Variants in PLCB1 observed in about 807,000 individuals in gnomAD.
PLCB1 encodes phospholipase C beta 1, also known as 1-phosphatidylinositol 4,5-bisphosphate phosphodiesterase beta-1.
In PLCB1, 46 loss-of-function variants were observed where a neutral mutation model predicts 161.8. The observed-to-expected ratio is 0.28, with a 90% CI of 0.22 to 0.36. The LOEUF (loss-of-function observed/expected upper bound fraction) is 0.36, where lower values mean the gene tolerates loss of function less well. Ranked by LOEUF, PLCB1 falls within the 10% of genes least tolerant of loss-of-function variation. PLCB1 has a pLI of 1.00. For missense variants in PLCB1, 1,016 were observed against 1,472.5 expected (o/e 0.69, Z 5.07); for synonymous variants, 517 against 503.7 (o/e 1.03, Z -0.35).
rs1431959200 is a variant in PLCB1, at chr20:8,591,636, T to C, written c.247-36658T>C. Among the ~76,000 whole-genome samples, 4 of 152,176 alleles carry C rather than the reference T, an allele frequency of 2.6e-5. No individual in the cohort carries two copies. In the East Asian group the frequency reaches 7.7e-4, roughly 29 times the overall value. On this transcript the variant is annotated intron_variant, in intron 3 of 31. Coordinates refer to ENST00000338037, the MANE Select transcript of PLCB1 (RefSeq NM_015192.4). ...CACCCAGGGCACTTAAGAGACGTTATTTTTTGAGACTTGCAATTGATATGC... is the reference window on the plus strand; with the variant it reads ...CACCCAGGGCACTTAAGAGACGTTACTTTTTGAGACTTGCAATTGATATGC...
intron 2 of PLCB1, among the ~76,000 whole-genome samples, chr20:8,199,291 G>T (rs536509712): frequency 3.9e-5 from 6 of 152,160 alleles, no homozygotes; most frequent in African/African-American, 1.4e-4. Context: ...CATGTTGATT[G>T]TGCATTCTAC....
chr20:8,480,144 G>A (rs1275659426), intron 3 of PLCB1, among the ~76,000 whole-genome samples: 2 of 152,168 alleles, frequency 1.3e-5, no homozygotes, highest in African/African-American at 2.4e-5. Context: ...TTAGAACATG[G>A]TTTTCCAGGT....
chr20:8,727,308 G>C lies in PLCB1; in HGVS notation c.1679-1G>C. On this transcript the variant is annotated splice_acceptor_variant, in intron 16 of 31. Transcript: ENST00000338037. LOFTEE classifies it high-confidence loss of function. ...TTTTGTTTTGTTGTTGCTTAACTCAGAAAGAAATAAAAGTTTTGAAATGTC... is the reference window on the plus strand; with the variant it reads ...TTTTGTTTTGTTGTTGCTTAACTCACAAAGAAATAAAAGTTTTGAAATGTC... 1 of 1,566,106 alleles carries C rather than the reference G, an allele frequency of 6.4e-7. No homozygotes were observed. The highest frequency in any genetic ancestry group is 8.8e-7 in the Non-Finnish European group (1 of 1,140,250).
At chr20:8,583,169 G>A (rs570714865) in intron 3 of PLCB1, among the ~76,000 whole-genome samples, 1 of 152,268 alleles carries the variant, frequency 6.6e-6, no homozygotes, top group East Asian at 1.9e-4. Context: ...GAAACAGAAG[G>A]TAGGATGGTG....
In PLCB1 at chr20:8,566,636, A is replaced by T. The variant is rs1986344191; in HGVS notation, c.247-61658A>T. Among the ~76,000 whole-genome samples, 3 of 152,222 alleles carry T rather than the reference A, an allele frequency of 2.0e-5. No homozygotes were observed. In the South Asian group the frequency reaches 6.2e-4, roughly 32 times the overall value. On this transcript the variant is annotated intron_variant, in intron 3 of 31. Transcript: ENST00000338037. ...AATCATAGCACTGAATTTAATAAAT[A>T]GATATTATTGAATTTCCTTGGAATG...
intron 2 of PLCB1, among the ~76,000 whole-genome samples, chr20:8,182,361 G>A (rs2051852940): frequency 6.6e-6 from 1 of 152,126 alleles, no homozygotes; most frequent in Admixed American, 6.5e-5. Flanking sequence ...CTGGTAAAAT[G>A]TGGTAGAAGT....
At chr20:8,194,554 TG>T (rs1156918596) in intron 2 of PLCB1, among the ~76,000 whole-genome samples, 1 of 152,078 alleles carries the variant, frequency 6.6e-6, no homozygotes, top group Non-Finnish European at 1.5e-5. Flanking sequence ...GAAAAGTACA[TG>T]TCTCTTTTAT....
intron 3 of PLCB1, among the ~76,000 whole-genome samples, chr20:8,479,624 T>C (rs1982418097): frequency 6.6e-6 from 1 of 152,222 alleles, no homozygotes; most frequent in Admixed American, 6.5e-5. Context: ...GATGGTGTTA[T>C]TTATTCACAA....
At chr20:8,569,934 T>G (rs1202949291) in intron 3 of PLCB1, among the ~76,000 whole-genome samples, 2 of 152,142 alleles carry the variant, frequency 1.3e-5, no homozygotes, top group South Asian at 4.1e-4. Flanking sequence ...TGAAATATAT[T>G]TCTTCATGTA....
intron 3 of PLCB1, among the ~76,000 whole-genome samples, chr20:8,577,226 G>A (rs1281332935): frequency 1.3e-5 from 2 of 150,826 alleles, no homozygotes; most frequent in Non-Finnish European, 3.0e-5. Flanking sequence ...TTGGGAGATC[G>A]AGACCATCCT....
At chr20:8,385,541 G>A (rs574921229) in intron 3 of PLCB1, among the ~76,000 whole-genome samples, 195 of 152,368 alleles carry the variant, frequency 1.3e-3, no homozygotes, top group South Asian at 0.012. Flanking sequence ...CTGTGGTGCT[G>A]GTGGCCCCTC....
chr20:8,572,674 GCATTCTCCATTGTT>G (rs1188254552), intron 3 of PLCB1, among the ~76,000 whole-genome samples: 1 of 152,154 alleles, frequency 6.6e-6, no homozygotes, highest in Non-Finnish European at 1.5e-5. Context: ...CTGCTTATGT[GCATTCTCCATTGTT>G]CGATCAGACT....
At chr20:8,432,571 T>C (rs906815081) in intron 3 of PLCB1, among the ~76,000 whole-genome samples, 8 of 152,254 alleles carry the variant, frequency 5.3e-5, no homozygotes, top group Non-Finnish European at 1.0e-4. Context: ...TAGCAGATGC[T>C]AAAACTCAGG....
At chr20:8,445,812 G>A (rs1175831709) in intron 3 of PLCB1, among the ~76,000 whole-genome samples, 9 of 151,992 alleles carry the variant, frequency 5.9e-5, no homozygotes, top group South Asian at 2.1e-4. Context: ...TGAAGCAATT[G>A]TGAATGGGAG....
chr20:8,617,812 G>A (rs1988075689), intron 3 of PLCB1, among the ~76,000 whole-genome samples: 1 of 151,914 alleles, frequency 6.6e-6, no homozygotes, highest in Non-Finnish European at 1.5e-5. Flanking sequence ...AAACATATTG[G>A]GTGGGACTCG....
chr20:8,731,901 T>A (rs991322878), intron 18 of PLCB1, among the ~76,000 whole-genome samples: 2 of 151,988 alleles, frequency 1.3e-5, no homozygotes, highest in African/African-American at 4.8e-5. Context: ...ATTTCACTGA[T>A]TTTTTTCTGC....
At chr20:8,324,515 G>T (rs1025401910) in intron 2 of PLCB1, among the ~76,000 whole-genome samples, 1 of 152,120 alleles carries the variant, frequency 6.6e-6, no homozygotes, top group African/African-American at 2.4e-5. Flanking sequence ...TTTGTTAAAT[G>T]AATGAGATCT....
intron 3 of PLCB1, among the ~76,000 whole-genome samples, chr20:8,481,843 T>A (rs1012987294): frequency 3.9e-5 from 6 of 152,116 alleles, no homozygotes; most frequent in African/African-American, 1.4e-4. Flanking sequence ...AAAGTCGATG[T>A]TTTCTGTGAG....
intron 3 of PLCB1, among the ~76,000 whole-genome samples, chr20:8,523,490 C>CCAAATATATATATATATATATA (rs1206489907): frequency 1.5e-5 from 1 of 67,722 alleles, no homozygotes; most frequent in Non-Finnish European, 3.0e-5. Context: ...CTCTCTCTCT[C>CCAAATATATATATATATATATA]TCTCTCTATA....
Sources: allele counts gnomAD v4.1 joint callset (sites outside exome capture counted in the v4.1 genomes callset), GRCh38; gene constraint gnomAD v4.1.1; transcripts MANE v1.5; gene names NCBI Gene and HGNC (gene_info 2026-07-23, HGNC 2026-07-21).